Variants in TMCC1 observed in about 807,000 individuals in gnomAD.
The protein encoded by TMCC1 is transmembrane and coiled-coil domain family 1, also known as transmembrane and coiled-coil domains protein 1.
In TMCC1, 15 loss-of-function variants were observed where a neutral mutation model predicts 52.4. The observed-to-expected ratio is 0.29, with a 90% confidence interval of 0.19 to 0.44. TMCC1 has a LOEUF of 0.44. TMCC1 is among the 20% of genes least tolerant of loss of function. The pLI is 1.00. For synonymous variants in TMCC1, 279 were observed against 301.9 expected (o/e 0.92, Z 0.79); for missense variants, 503 against 806.0 (o/e 0.62, Z 4.55).
At chr3:129,862,271 A>G (rs1360255312) in intron 2 of TMCC1, among the ~76,000 whole-genome samples, 2 of 152,144 alleles carry the variant, frequency 1.3e-5, no homozygotes, top group Non-Finnish European at 1.5e-5. Flanking sequence ...GGTGATGAAA[A>G]TGTTTTGGAA....
chr3:129,872,887 TA>T (rs370237713), intron 2 of TMCC1, among the ~76,000 whole-genome samples: 1 of 152,228 alleles, frequency 6.6e-6, no homozygotes, highest in East Asian at 1.9e-4. Flanking sequence ...GAATGTATCC[TA>T]ATGATATATA....
chr3:129,881,898 T>C (rs2061477540), intron 1 of TMCC1, among the ~76,000 whole-genome samples: 1 of 152,202 alleles, frequency 6.6e-6, no homozygotes, highest in African/African-American at 2.4e-5. Flanking sequence ...AATATATATG[T>C]AACTGGAATC....
rs372569554 is a variant in TMCC1 at position 129,835,163 on chromosome 3, T to G, written c.-183-2337A>C. Among the ~76,000 whole-genome samples, 7 of 152,266 alleles carry G rather than the reference T, an allele frequency of 4.6e-5. No homozygotes were observed. In the East Asian group the frequency reaches 1.3e-3, roughly 29 times the overall value. On this transcript the variant is annotated intron_variant, in intron 2 of 6. Transcript: ENST00000393238. ...AAACGTTTTAACTACCCAAGAAAGC[T>G]TCTCCCTCTTTCCTTTGATCCTCTT... is the stretch of plus-strand genomic sequence containing the variant.
chr3:129,869,636 G>A (rs1187762622), intron 2 of TMCC1, among the ~76,000 whole-genome samples: 2 of 152,154 alleles, frequency 1.3e-5, no homozygotes, highest in African/African-American at 4.8e-5. Flanking sequence ...GGTGAATTAG[G>A]TGTGGTATGG....
intron 4 of TMCC1, among the ~76,000 whole-genome samples, chr3:129,822,102 T>C (rs2058450650): frequency 1.3e-5 from 2 of 152,158 alleles, no homozygotes; most frequent in Non-Finnish European, 2.9e-5. Flanking sequence ...TATGAGGCCT[T>C]ATTTTTTAGG....
chr3:129,760,511 G>C (rs372857869), intron 4 of TMCC1, among the ~76,000 whole-genome samples: 1 of 130,516 alleles, frequency 7.7e-6, no homozygotes, highest in Admixed American at 8.1e-5. Flanking sequence ...AGACAGTCTC[G>C]CTCTGTTGCC....
At chr3:129,657,581 C>T (rs1266641634) in intron 5 of TMCC1, among the ~76,000 whole-genome samples, 13 of 152,212 alleles carry the variant, frequency 8.5e-5, no homozygotes, top group Non-Finnish European at 2.9e-5. Context: ...CCCAGATCAA[C>T]TAACTCTCCT....
At chr3:129,852,499 T>C (rs1201704453) in intron 2 of TMCC1, among the ~76,000 whole-genome samples, 3 of 145,820 alleles carry the variant, frequency 2.1e-5, no homozygotes, top group Non-Finnish European at 4.5e-5. Flanking sequence ...AATTCTGCAG[T>C]ATACAACAAC....
chr3:129,730,236 CT>C (rs1358792995), intron 4 of TMCC1, among the ~76,000 whole-genome samples: 1 of 152,072 alleles, frequency 6.6e-6, no homozygotes, highest in Non-Finnish European at 1.5e-5. Flanking sequence ...CCCTTTAATT[CT>C]CTCGATAGCA....
chr3:129,667,214 G>T (rs992092545), intron 5 of TMCC1, among the ~76,000 whole-genome samples: 1 of 116,382 alleles, frequency 8.6e-6, no homozygotes, highest in Non-Finnish European at 1.6e-5. Flanking sequence ...GCAAGACCCT[G>T]ACTCTTAAAA....
intron 4 of TMCC1, among the ~76,000 whole-genome samples, chr3:129,710,828 C>G (rs1005681626): frequency 2.0e-5 from 3 of 152,098 alleles, no homozygotes; most frequent in Non-Finnish European, 4.4e-5. Context: ...TTTCTCCCAC[C>G]AAAATTTCAA....
intron 4 of TMCC1, among the ~76,000 whole-genome samples, chr3:129,713,977 C>G (rs756432092): frequency 6.6e-6 from 1 of 152,044 alleles, no homozygotes; most frequent in Non-Finnish European, 1.5e-5. Context: ...CACCTCATCT[C>G]TAGTGACAAC....
chr3:129,752,303 A>G (rs1022433923), intron 4 of TMCC1, among the ~76,000 whole-genome samples: 2 of 152,146 alleles, frequency 1.3e-5, no homozygotes, highest in African/African-American at 4.8e-5. Context: ...TATATTCACT[A>G]GAACGGAATT....
intron 4 of TMCC1, among the ~76,000 whole-genome samples, chr3:129,695,967 G>A (rs531571510): frequency 6.6e-6 from 1 of 152,220 alleles, no homozygotes; most frequent in South Asian, 2.1e-4. Context: ...TGACAAAGAA[G>A]AAAATCAAAA....
At chr3:129,855,954 C>T (rs2107916313) in intron 2 of TMCC1, among the ~76,000 whole-genome samples, 1 of 152,250 alleles carries the variant, frequency 6.6e-6, no homozygotes, top group Admixed American at 6.5e-5. Flanking sequence ...AAAGAAAACA[C>T]TGGTCCTTCA....
intron 1 of TMCC1, among the ~76,000 whole-genome samples, chr3:129,887,887 G>T (rs2061791506): frequency 6.6e-6 from 1 of 152,162 alleles, no homozygotes; most frequent in Non-Finnish European, 1.5e-5. Context: ...TTTAATGTGT[G>T]CAAATTCTTA....
chr3:129,710,995 C>A (rs888673576), intron 4 of TMCC1, among the ~76,000 whole-genome samples: 8 of 152,320 alleles, frequency 5.3e-5, no homozygotes, highest in African/African-American at 1.7e-4. Context: ...TCCAGAGTAG[C>A]TGGGATTACA....
intron 2 of TMCC1, among the ~76,000 whole-genome samples, chr3:129,869,355 C>A (rs991279814): frequency 1.3e-5 from 2 of 152,022 alleles, no homozygotes; most frequent in African/African-American, 2.4e-5. Flanking sequence ...CTGAGTTGTA[C>A]CCTTTATAAT....
rs558428346 is a variant in TMCC1 at position 129,798,655 on chromosome 3, T to C, written c.576+29148A>G. 2.6e-5 allele frequency among the ~76,000 whole-genome samples: 4 copies of C among 152,126 alleles called. No individual in the cohort carries two copies. The South Asian group carries it at 6.2e-4, about 24-fold the overall frequency. ...AAGTGCTCAGAATGTTTTCTACTAATGAAATGGAAACATAAATAGTAACAA... is the reference window on the plus strand; with the variant it reads ...AAGTGCTCAGAATGTTTTCTACTAACGAAATGGAAACATAAATAGTAACAA... On this transcript the variant is annotated intron_variant, in intron 4 of 6. Coordinates refer to ENST00000393238, the MANE Select transcript of TMCC1 (RefSeq NM_001017395.5).
Sources: allele counts gnomAD v4.1 joint callset (sites outside exome capture counted in the v4.1 genomes callset), GRCh38; gene constraint gnomAD v4.1.1; transcripts MANE v1.5; gene names NCBI Gene and HGNC (gene_info 2026-07-23, HGNC 2026-07-21).